OPRM1: variants seen among roughly 807,000 people sequenced by gnomAD.
OPRM1 encodes the protein mu-type opioid receptor.
Under a neutral mutation model 31.8 loss-of-function variants are expected in OPRM1, and 27 were observed. The observed-to-expected ratio is 0.85, with a 90% confidence interval of 0.63 to 1.17. The LOEUF (loss-of-function observed/expected upper bound fraction) is 1.17, where lower values mean the gene tolerates loss of function less well. OPRM1 is among the 50% of genes most tolerant of loss of function. The probability of loss-of-function intolerance (pLI) is 0.00; values close to 1 mark genes in which losing one functional copy is unlikely to be tolerated. For synonymous variants in OPRM1, 196 were observed against 189.9 expected (o/e 1.03, Z -0.26); for missense variants, 536 against 511.1 (o/e 1.05, Z -0.47).
intron 3 of OPRM1, among the ~76,000 whole-genome samples, chr6:154,174,257 G>A (rs1800114819): frequency 6.6e-6 from 1 of 152,164 alleles, no homozygotes; most frequent in South Asian, 2.1e-4. Context: ...GGAAGAAACT[G>A]CATCAATTAA....
At chr6:154,088,430 C>T (rs1240228534) in intron 1 of OPRM1, among the ~76,000 whole-genome samples, 14 of 152,124 alleles carry the variant, frequency 9.2e-5, no homozygotes, top group Admixed American at 9.2e-4. Flanking sequence ...ACATTTTTTT[C>T]TGTAAAGTGC....
Position 154,122,392 on chromosome 6 carries a change from C to T in OPRM1, c.*3671C>T, listed in dbSNP as rs960445763. ...GTGAGAACATGAAAGTTCATAAATG[C>T]CTGGGCCACTGCAACTCTAACCACT... On this transcript the variant is annotated 3_prime_UTR_variant, in exon 4 of 4. Coordinates refer to ENST00000330432, the MANE Select transcript of OPRM1 (RefSeq NM_000914.5). Among the ~76,000 whole-genome samples, 4 of 151,952 alleles carry T rather than the reference C, an allele frequency of 2.6e-5. No individual in the cohort carries two copies. Among genetic ancestry groups the T allele is most frequent in the African/African-American group, 9.7e-5 (4 of 41,280 alleles).
At chr6:154,206,019 G>T (rs1777464895) in intron 3 of OPRM1, among the ~76,000 whole-genome samples, 1 of 152,070 alleles carries the variant, frequency 6.6e-6, no homozygotes, top group South Asian at 2.1e-4. Context: ...GATTACCTTG[G>T]CTATCAAGAG....
At chr6:154,065,452 T>C (rs1785209188) in intron 1 of OPRM1, among the ~76,000 whole-genome samples, 2 of 152,200 alleles carry the variant, frequency 1.3e-5, no homozygotes, top group Non-Finnish European at 2.9e-5. Flanking sequence ...CCTTTAGCAA[T>C]GTTTTGTAGA....
At chr6:154,208,232 T>G (rs1270643870) in intron 3 of OPRM1, among the ~76,000 whole-genome samples, 1 of 152,172 alleles carries the variant, frequency 6.6e-6, no homozygotes, top group Non-Finnish European at 1.5e-5. Context: ...TCATCTTGGT[T>G]CACCCCGCGT....
intron 1 of OPRM1, chr6:154,073,486 C>T (rs1052368010): frequency 2.0e-5 from 3 of 152,200 alleles, no homozygotes; most frequent in African/African-American, 7.2e-5. Flanking sequence ...TGTGTAAACT[C>T]AGGAGCTAAT....
At chr6:154,083,255 A>G (rs1789589589) in intron 1 of OPRM1, among the ~76,000 whole-genome samples, 1 of 152,174 alleles carries the variant, frequency 6.6e-6, no homozygotes, top group Non-Finnish European at 1.5e-5. Flanking sequence ...GAATTTGAAG[A>G]GCTTTACAAA....
At chr6:154,227,819 T>G (rs1470562595) in intron 3 of OPRM1, among the ~76,000 whole-genome samples, 2 of 152,230 alleles carry the variant, frequency 1.3e-5, no homozygotes, top group Non-Finnish European at 2.9e-5. Flanking sequence ...ACAGCTGAGA[T>G]TCCCTTAAAC....
intron 3 of OPRM1, among the ~76,000 whole-genome samples, chr6:154,152,327 G>GAAAAGA (rs1554285056): frequency 0.052 from 1,486 of 28,554 alleles, 20 homozygotes; most frequent in East Asian, 0.066. Context: ...AAGAAAGAAA[G>GAAAAGA]AAAGAAAGAA....
chr6:154,187,668 C>G (rs918626552), intron 3 of OPRM1, among the ~76,000 whole-genome samples: 9 of 152,200 alleles, frequency 5.9e-5, no homozygotes, highest in Non-Finnish European at 1.3e-4. Flanking sequence ...AACCCTGTGT[C>G]TTGCTGATTA....
At chr6:154,152,327 G>GGAAAGA (rs1554285060) in intron 3 of OPRM1, among the ~76,000 whole-genome samples, 1 of 28,646 alleles carries the variant, frequency 3.5e-5, no homozygotes, top group Non-Finnish European at 6.9e-5. Context: ...AAGAAAGAAA[G>GGAAAGA]AAAGAAAGAA....
chr6:154,207,224 T>A (rs1197179590), intron 3 of OPRM1, among the ~76,000 whole-genome samples: 1 of 152,174 alleles, frequency 6.6e-6, no homozygotes, highest in Non-Finnish European at 1.5e-5. Flanking sequence ...GAGCAGGCTG[T>A]GAATGAAGAT....
rs957315699 is a variant in OPRM1 at position 154,119,332 on chromosome 6, G to A, written c.*611G>A. The A allele has an allele frequency of 3.6e-5, 35 of 985,084 alleles. No homozygotes were observed. The African/African-American group carries it at 5.8e-4, about 16-fold the overall frequency. The allele number at this position is 985,084 out of a possible 1,614,324, so 61.0% of individuals were successfully genotyped here. A position where few individuals can be genotyped will look rare whatever the true frequency, so the allele number is the denominator to read the frequency against. On this transcript the variant is annotated 3_prime_UTR_variant, in exon 4 of 4. Coordinates refer to ENST00000330432, the MANE Select transcript of OPRM1 (RefSeq NM_000914.5). ...TCCATAATTGCAAGGGAAGAGATTA[G>A]CATGAAAGGTAATCTGAAACACAGT... is the stretch of plus-strand genomic sequence containing the variant.
chr6:154,015,957 C>A lies in OPRM1; in HGVS notation c.-1+4939C>A, dbSNP rs141681969. On this transcript the variant is annotated intron_variant, in intron 1 of 5. Transcript: ENST00000434900. Reference sequence around the variant, plus strand: ...GCACAAATCCAAGAGGTTGAAATCACATTCTGTTGTCAAATTCATGAAGAA... The same window carrying A: ...GCACAAATCCAAGAGGTTGAAATCAAATTCTGTTGTCAAATTCATGAAGAA... Among the ~76,000 whole-genome samples, 522 of 151,742 alleles carry A rather than the reference C, an allele frequency of 3.4e-3. 1 individual carries two copies. Among genetic ancestry groups the A allele is most frequent in the African/African-American group, 0.012 (498 of 41,410 alleles).
intron 3 of OPRM1, chr6:154,199,537 A>C (rs1279111618): frequency 9.2e-7 from 1 of 1,085,250 alleles, no homozygotes; most frequent in Non-Finnish European, 1.3e-6. Flanking sequence ...ACCTCTGGGC[A>C]TAGCCCCACT....
At chr6:154,079,776 C>T (rs901690681) in intron 1 of OPRM1, among the ~76,000 whole-genome samples, 12 of 152,100 alleles carry the variant, frequency 7.9e-5, no homozygotes, top group Non-Finnish European at 1.6e-4. Context: ...GTGGCATGAC[C>T]GTAGCTCACT....
At chr6:154,212,919 G>A (rs778497790) in intron 3 of OPRM1, 56 of 1,130,576 alleles carry the variant, frequency 5.0e-5, no homozygotes, top group Non-Finnish European at 6.8e-5. Flanking sequence ...TAATGCATGA[G>A]CAGAGGTTTA....
At chr6:154,179,995 C>G (rs1800694877) in intron 3 of OPRM1, among the ~76,000 whole-genome samples, 1 of 152,098 alleles carries the variant, frequency 6.6e-6, no homozygotes, top group Non-Finnish European at 1.5e-5. Flanking sequence ...GCAAGGCCAG[C>G]CTGTTAGCAA....
intron 1 of OPRM1, among the ~76,000 whole-genome samples, chr6:154,077,643 A>C (rs898777353): frequency 5.3e-5 from 8 of 151,846 alleles, no homozygotes; most frequent in Non-Finnish European, 1.0e-4. Context: ...AGGCAGGAGA[A>C]TCATTTGAAC....
Sources: gnomAD v4.1 joint callset for allele counts (sites outside exome capture counted in the v4.1 genomes callset) on GRCh38, gnomAD v4.1.1 for gene constraint, MANE v1.5 for transcripts, NCBI Gene and HGNC (gene_info 2026-07-23, HGNC 2026-07-21) for gene names.